The following ZNF607 variants were observed in gnomAD, a reference collection of about 807,000 sequenced individuals.
ZNF607 encodes zinc finger protein 607.
Under a neutral mutation model 12.8 loss-of-function variants are expected in ZNF607, and 5 were observed. The ratio of observed to expected loss-of-function variants is 0.39; its 90% CI spans 0.20 to 0.82. The LOEUF (loss-of-function observed/expected upper bound fraction) is 0.82. ZNF607 is among the 40% of genes least tolerant of loss of function. ZNF607 has a pLI of 0.39. For synonymous variants in ZNF607, 287 were observed against 276.2 expected, an observed-to-expected ratio of 1.04 and a Z score of -0.39; for missense variants, 851 against 859.2, an observed-to-expected ratio of 0.99 and a Z score of 0.12.
At chr19:37,705,488 C>CAGCCT (rs1398951847) in intron 4 of ZNF607, among the ~76,000 whole-genome samples, 1 of 151,988 alleles carries the variant, frequency 6.6e-6, no homozygotes, top group Non-Finnish European at 1.5e-5. Context: ...CGTTTGAAAC[C>CAGCCT]AGCCTGGTCA....
intron 1 of ZNF607, among the ~76,000 whole-genome samples, chr19:37,716,987 T>C (rs1306286972): frequency 6.6e-6 from 1 of 152,178 alleles, no homozygotes; most frequent in Non-Finnish European, 1.5e-5. Context: ...GATTCTTTCC[T>C]TAGTGGACAG....
At chr19:37,708,287 C>G (rs1262483932) in intron 3 of ZNF607, among the ~76,000 whole-genome samples, 1 of 151,718 alleles carries the variant, frequency 6.6e-6, no homozygotes, top group Non-Finnish European at 1.5e-5. Context: ...CCTCCGCCTC[C>G]CAGGTTAAAG....
rs1192683840 is a variant in ZNF607, at chr19:37,696,993, C to G, written c.*1047G>C. 4 of 710,882 alleles carry G rather than the reference C, an allele frequency of 5.6e-6. No homozygotes were observed. The African/African-American group carries it at 7.0e-5, about 12-fold the overall frequency. The allele number at this position is 710,882 out of a possible 1,614,324, so 44.0% of individuals were successfully genotyped here. The stretch of plus-strand genomic sequence containing the variant: ...CAGCTCCCTCTGGGTGATTAGTTCT[C>G]CAGCATCAAAGCGAGCCACCAGTGA... On this transcript the variant is annotated 3_prime_UTR_variant, in exon 5 of 5. Coordinates refer to ENST00000355202, the MANE Select transcript of ZNF607 (RefSeq NM_032689.5).
At position 37,696,983 on chromosome 19, in the gene ZNF607, G is replaced by T; in HGVS notation, c.*1057C>A. On this transcript the variant is annotated 3_prime_UTR_variant, in exon 5 of 5. Coordinates refer to ENST00000355202, the MANE Select transcript of ZNF607 (RefSeq NM_032689.5). ...GGCTGGAGACCAGCTCCCTCTGGGT[G>T]ATTAGTTCTCCAGCATCAAAGCGAG... 1.4e-6 allele frequency: 1 copy of T among 705,646 alleles called. No individual in the cohort carries two copies. Among genetic ancestry groups the T allele is most frequent in the Non-Finnish European group, 2.6e-6 (1 of 385,778 alleles). 43.7% of individuals were successfully genotyped at this position (705,646 alleles called of 1,614,324 possible).
chr19:37,699,013 G>C lies in ZNF607; in HGVS notation c.1118C>G (p.Ala373Gly). 1.2e-6 allele frequency: 2 copies of C among 1,613,898 alleles called. No individual in the cohort carries two copies. Among genetic ancestry groups the C allele is most frequent in the Non-Finnish European group, 1.7e-6 (2 of 1,179,972 alleles). Residue 373 changes from alanine (A) to glycine (G), a missense_variant, in exon 5 of 5, where the codon GCC (alanine) becomes GGC (glycine). Ala to Gly is a moderately conservative substitution (Grantham distance 60, BLOSUM62 0). Transcript: ENST00000355202. ...KPYKCEECGK[A>G]FSVHGRLTRH... is the part of the protein sequence containing the mutation. ...AGTAAGTCGTCCATGCACACTAAAG[G>C]CTTTCCCACATTCCTCACACTTATA...
At position 37,696,470 on chromosome 19, in the gene ZNF607, G is replaced by T; in HGVS notation, c.*1570C>A. 3.3e-6 allele frequency: 1 copy of T among 306,074 alleles called. No individual in the cohort carries two copies. The allele number at this position is 306,074 out of a possible 1,614,324, so 19.0% of individuals were successfully genotyped here. On this transcript the variant is annotated 3_prime_UTR_variant, in exon 5 of 5. Transcript: ENST00000355202. ...AACTCATGTAATTCTTTGTTTTTTA[G>T]AGATCTGAAGTGATTTTACCTTTAC...
chr19:37,717,971 A>G (rs2045192588), intron 1 of ZNF607, among the ~76,000 whole-genome samples: 3 of 152,306 alleles, frequency 2.0e-5, no homozygotes, highest in South Asian at 4.1e-4. Flanking sequence ...TATAATATCC[A>G]ATCCCTTGGA....
intron 1 of ZNF607, among the ~76,000 whole-genome samples, chr19:37,712,063 C>T (rs1468258163): frequency 1.3e-5 from 2 of 152,180 alleles, no homozygotes; most frequent in East Asian, 1.9e-4. Context: ...GAACATCATC[C>T]ATACCAGAAC....
In ZNF607 at chr19:37,699,690, A is replaced by T; in HGVS notation, c.441T>A (p.Phe147Leu). Reference protein sequence around the residue: ...TSEEPDQCEKFRKAFSHLTDL... With the variant: ...TSEEPDQCEKLRKAFSHLTDL... ...CTGTAAGATGGCTAAATGCCTTCCT[A>T]AACTTTTCACATTGATCAGGTTCCT... Residue 147 changes from phenylalanine (F) to leucine (L), a missense_variant, in exon 5 of 5, where the codon TTT becomes TTA. Coordinates refer to ENST00000355202, the MANE Select transcript of ZNF607 (RefSeq NM_032689.5). The T allele has an allele frequency of 1.9e-6, 3 of 1,614,090 alleles. No individual in the cohort carries two copies. The highest frequency in any genetic ancestry group is 1.7e-6 in the Non-Finnish European group (2 of 1,179,984).
chr19:37,718,701 T>G (rs1024063480), intron 1 of ZNF607, among the ~76,000 whole-genome samples: 1 of 152,198 alleles, frequency 6.6e-6, no homozygotes, highest in Non-Finnish European at 1.5e-5. Context: ...CCCTTTCGCC[T>G]CCGTATCTTC....
chr19:37,709,477 A>G (rs2045113359), intron 3 of ZNF607, among the ~76,000 whole-genome samples: 1 of 152,234 alleles, frequency 6.6e-6, no homozygotes, highest in Non-Finnish European at 1.5e-5. Context: ...TAAAAGAGGT[A>G]TCAGAGGGAG....
Position 37,697,129 on chromosome 19 carries a change from G to A in ZNF607, c.*911C>T. On this transcript the variant is annotated 3_prime_UTR_variant, in exon 5 of 5. Transcript: ENST00000355202. ...GTGATGGGCCGGAAGAGGATGCACAGTGTGATGTTGACATTCTGTAAATCT... is the reference window on the plus strand; with the variant it reads ...GTGATGGGCCGGAAGAGGATGCACAATGTGATGTTGACATTCTGTAAATCT... 1 of 746,752 alleles carries A rather than the reference G, an allele frequency of 1.3e-6. No homozygotes were observed. The highest frequency in any genetic ancestry group is 1.4e-5 in the South Asian group (1 of 73,002). The allele number at this position is 746,752 out of a possible 1,614,324, so 46.3% of individuals were successfully genotyped here. A position where few individuals can be genotyped will look rare whatever the true frequency, so the allele number is the denominator to read the frequency against.
chr19:37,700,822 A>C (rs565348883), intron 4 of ZNF607, among the ~76,000 whole-genome samples: 1 of 152,312 alleles, frequency 6.6e-6, no homozygotes, highest in South Asian at 2.1e-4. Context: ...GTGTTTACAA[A>C]AATCATCGGG....
chr19:37,713,240 C>T (rs984913303), intron 1 of ZNF607, among the ~76,000 whole-genome samples: 1 of 152,026 alleles, frequency 6.6e-6, no homozygotes, highest in African/African-American at 2.4e-5. Flanking sequence ...TACGTGACAT[C>T]ACCAAGTAGT....
rs200473580 is a variant in ZNF607, at chr19:37,710,498, A to ATGGAG, written c.10-681_10-677dup. Among the ~76,000 whole-genome samples the ATGGAG allele has an allele frequency of 7.4e-3, 1,028 of 139,144 alleles. 29 individuals carry two copies. Among genetic ancestry groups the ATGGAG allele is most frequent in the East Asian group, 0.054 (271 of 5,028 alleles). The allele number at this position is 139,144 out of a possible 152,430, so 91.3% of individuals were successfully genotyped here. A position where few individuals can be genotyped will look rare whatever the true frequency, so the allele number is the denominator to read the frequency against. ...AAAAAAAAAGAAAAGAAAAACGAAA[A>ATGGAG]TGGAGTGGAGGAGATGAAGGAGTGC... On this transcript the variant is annotated intron_variant, in intron 2 of 4. Transcript: ENST00000355202.
At chr19:37,711,726 C>T (rs573411743) in intron 1 of ZNF607, 34 bp from the exon 2 acceptor site, 2 of 1,099,230 alleles carry the variant, frequency 1.8e-6, no homozygotes, top group East Asian at 4.7e-5. Context: ...ACCAGCTGTG[C>T]TTTAGTGGTC....
chr19:37,700,003 T>C, intron 4 of ZNF607, 108 bp from the exon 5 acceptor site: 1 of 1,036,678 alleles, frequency 9.6e-7, no homozygotes, highest in Admixed American at 3.0e-5. Flanking sequence ...AAAATACAGT[T>C]ATAAAATATA....
In ZNF607 at chr19:37,711,710, C is replaced by T; in HGVS notation, c.-74-18G>A. ...ACCAAGACCTGAAAGAAGAGAAGAC[C>T]TTGAGACCAGCTGTGCTTTAGTGGT... On this transcript the variant is annotated intron_variant, in intron 1 of 4. Coordinates refer to ENST00000355202, the MANE Select transcript of ZNF607 (RefSeq NM_032689.5). 1 of 1,327,492 alleles carries T rather than the reference C, an allele frequency of 7.5e-7. No homozygotes were observed. The highest frequency in any genetic ancestry group is 1.7e-5 in the Admixed American group (1 of 58,288). 82.2% of individuals were successfully genotyped at this position (1,327,492 alleles called of 1,614,324 possible). A position where few individuals can be genotyped will look rare whatever the true frequency, so the allele number is the denominator to read the frequency against.
Position 37,697,898 on chromosome 19 carries a change from C to A in ZNF607, c.*142G>T. 1.3e-6 allele frequency: 1 copy of A among 763,726 alleles called. No individual in the cohort carries two copies. The highest frequency in any genetic ancestry group is 2.1e-6 in the Non-Finnish European group (1 of 483,510). 47.3% of individuals were successfully genotyped at this position (763,726 alleles called of 1,614,324 possible). A position where few individuals can be genotyped will look rare whatever the true frequency, so the allele number is the denominator to read the frequency against. ...TATGATTTACATTTTGAAAAGTTCACACCAATACAAATTGATGCCTAATAA... is the reference window on the plus strand; with the variant it reads ...TATGATTTACATTTTGAAAAGTTCAAACCAATACAAATTGATGCCTAATAA... On this transcript the variant is annotated 3_prime_UTR_variant, in exon 5 of 5. Transcript: ENST00000355202.
Sources: gnomAD v4.1 joint callset for allele counts (sites outside exome capture counted in the v4.1 genomes callset) on GRCh38, gnomAD v4.1.1 for gene constraint, MANE v1.5 for transcripts, NCBI Gene and HGNC (gene_info 2026-07-23, HGNC 2026-07-21) for gene names.